The following DGKH variants were observed in gnomAD, a reference collection of about 807,000 sequenced individuals.
DGKH encodes the protein diacylglycerol kinase eta, also known as DAG kinase eta.
DGKH carries 90 observed loss-of-function variants against 159.3 expected under a neutral mutation model. The ratio of observed to expected loss-of-function variants is 0.57; its 90% CI spans 0.48 to 0.67. DGKH has a LOEUF of 0.67. DGKH is among the 30% of genes least tolerant of loss of function. The pLI, the probability that DGKH is intolerant of heterozygous loss-of-function variation, is 0.00. For synonymous variants in DGKH, 536 were observed against 553.8 expected, an observed-to-expected ratio of 0.97 and a Z score of 0.45; for missense variants, 1,181 against 1,506.1, an observed-to-expected ratio of 0.78 and a Z score of 3.57.
At position 42,256,036 on chromosome 13, in the gene DGKH, G is replaced by C. The variant is rs2138343022; in HGVS notation, n.4128-248G>C. The C allele has an allele frequency of 4.0e-6, 6 of 1,497,732 alleles. No individual in the cohort carries two copies. In the South Asian group the frequency reaches 6.8e-5, roughly 17 times the overall value. 92.8% of individuals were successfully genotyped at this position (1,497,732 alleles called of 1,614,324 possible). On this transcript the variant is annotated intron_variant and non_coding_transcript_variant, in intron 30 of 30. Coordinates refer to the DGKH transcript ENST00000498255. The stretch of plus-strand genomic sequence containing the variant: ...CGATAGCAAATAATATTCGTTTTCT[G>C]GGTTCTGGCCCTTGGTCAGGTCTGG...
intron 1 of DGKH, among the ~76,000 whole-genome samples, chr13:42,077,043 A>G (rs962690441): frequency 1.3e-5 from 2 of 152,154 alleles, no homozygotes; most frequent in African/African-American, 4.8e-5. Context: ...AGAATTATGC[A>G]TCACTTTCTC....
At chr13:42,228,336 TTA>T (rs772754045) in intron 29 of DGKH, among the ~76,000 whole-genome samples, 5 of 152,248 alleles carry the variant, frequency 3.3e-5, no homozygotes, top group Non-Finnish European at 7.4e-5. Flanking sequence ...CAACAGATAA[TTA>T]TGTTTAAGTA....
intron 9 of DGKH, among the ~76,000 whole-genome samples, chr13:42,167,878 C>G (rs1956349197): frequency 6.6e-6 from 1 of 152,046 alleles, no homozygotes; most frequent in African/African-American, 2.4e-5. Context: ...TTCCATAATA[C>G]TTGAAGTAAG....
At chr13:42,219,565 G>A in intron 27 of DGKH, 121 bp from the exon 28 acceptor site, 1 of 1,202,690 alleles carries the variant, frequency 8.3e-7, no homozygotes. Flanking sequence ...TTTTGAAGAA[G>A]TTATCACTGT....
At chr13:42,055,993 T>C (rs1296480054) in intron 1 of DGKH, among the ~76,000 whole-genome samples, 1 of 152,140 alleles carries the variant, frequency 6.6e-6, no homozygotes, top group Admixed American at 6.5e-5. Flanking sequence ...CTATAAAACA[T>C]TAAAAAATAA....
chr13:42,095,280 A>G (rs1029196130), intron 1 of DGKH, among the ~76,000 whole-genome samples: 2 of 146,334 alleles, frequency 1.4e-5, no homozygotes, highest in South Asian at 4.2e-4. Flanking sequence ...CTCCTGCCTC[A>G]GCCTCCTGAG....
At chr13:42,091,276 C>A (rs1954412260) in intron 1 of DGKH, among the ~76,000 whole-genome samples, 1 of 151,992 alleles carries the variant, frequency 6.6e-6, no homozygotes, top group African/African-American at 2.4e-5. Context: ...TTGGATATGA[C>A]ACCAAAACAT....
At chr13:42,164,359 T>C (rs888937041) in intron 7 of DGKH, among the ~76,000 whole-genome samples, 7 of 152,170 alleles carry the variant, frequency 4.6e-5, no homozygotes, top group African/African-American at 1.7e-4. Context: ...TATCTGTGTG[T>C]GCTAGTTTTT....
rs1958395209 is a variant in DGKH at position 42,235,524 on chromosome 13, A to G, written c.*6336A>G. The G allele has an allele frequency of 6.6e-6, 1 of 152,208 alleles. No individual in the cohort carries two copies. Among genetic ancestry groups the G allele is most frequent in the Non-Finnish European group, 1.5e-5 (1 of 68,012 alleles). 9.4% of individuals were successfully genotyped at this position (152,208 alleles called of 1,614,324 possible). On this transcript the variant is annotated 3_prime_UTR_variant, in exon 30 of 30. Transcript: ENST00000337343. ...CATTAAGGTAGGATAATGCAGTTAC[A>G]TATACAAACTAAAAAAGGAAAAAGA...
intron 3 of DGKH, among the ~76,000 whole-genome samples, chr13:42,136,906 GT>G (rs547476360): frequency 7.0e-4 from 106 of 152,184 alleles, no homozygotes; most frequent in African/African-American, 2.4e-3. Flanking sequence ...TTCTACGAGG[GT>G]TTAAAAGGTC....
rs180701334 is a variant in DGKH at position 42,158,877 on chromosome 13, C to T, written c.623-389C>T. On this transcript the variant is annotated intron_variant, in intron 5 of 29. Transcript: ENST00000337343. Reference sequence around the variant, plus strand: ...GCTTGATGAATTTTCACAAATTAAACACATTCGTATAATCAGCACCTACAT... The same window carrying T: ...GCTTGATGAATTTTCACAAATTAAATACATTCGTATAATCAGCACCTACAT... Among the ~76,000 whole-genome samples the T allele has an allele frequency of 3.9e-5, 6 of 152,214 alleles. No homozygotes were observed. In the East Asian group the frequency reaches 9.6e-4, roughly 24 times the overall value.
intron 13 of DGKH, among the ~76,000 whole-genome samples, chr13:42,181,267 ACT>A (rs1267984590): frequency 9.0e-6 from 1 of 111,576 alleles, no homozygotes; most frequent in Non-Finnish European, 1.7e-5. Context: ...ACAGAGCGAG[ACT>A]CTGTCTCAAA....
rs377124152 is a variant in DGKH, at chr13:42,214,537, T to C, written c.3045T>C (p.Leu1015=). The stretch of plus-strand genomic sequence containing the variant: ...GTGACGCAGCCACAATTCACTGTCT[T>C]TTGGAGCAAGAACTGGCCCATGCTG... ...RICDAATIHC[L]LEQELAHAVN... The change falls in exon 25 of 30, where the codon CTT becomes CTC. Residue 1015 remains leucine, a synonymous_variant. Coordinates refer to ENST00000337343, the MANE Select transcript of DGKH (RefSeq NM_178009.5). 3 of 1,613,508 alleles carry C rather than the reference T, an allele frequency of 1.9e-6. No individual in the cohort carries two copies. The African/African-American group carries it at 4.0e-5, about 22-fold the overall frequency.
intron 1 of DGKH, among the ~76,000 whole-genome samples, chr13:42,092,734 A>G (rs1461602869): frequency 6.6e-6 from 1 of 152,234 alleles, no homozygotes; most frequent in Non-Finnish European, 1.5e-5. Context: ...CAAGAACTTT[A>G]GAAAAAAATA....
At chr13:42,179,568 G>A (rs890250419) in intron 13 of DGKH, among the ~76,000 whole-genome samples, 1 of 152,132 alleles carries the variant, frequency 6.6e-6, no homozygotes. Flanking sequence ...AAGCCCAGGA[G>A]TTCAAGACCA....
chr13:42,071,332 A>G (rs180687112), intron 1 of DGKH, among the ~76,000 whole-genome samples: 7 of 152,242 alleles, frequency 4.6e-5, no homozygotes, highest in Non-Finnish European at 8.8e-5. Flanking sequence ...TGCAGTACTC[A>G]TAGTTCAAGA....
chr13:42,251,876 G>A (rs748444667), intron 29 of DGKH, among the ~76,000 whole-genome samples: 1 of 152,202 alleles, frequency 6.6e-6, no homozygotes, highest in Non-Finnish European at 1.5e-5. Context: ...TATTAACACA[G>A]TTATCTTTCC....
At chr13:42,042,320 G>A (rs1243484801) in intron 1 of DGKH, among the ~76,000 whole-genome samples, 1 of 152,186 alleles carries the variant, frequency 6.6e-6, no homozygotes, top group Non-Finnish European at 1.5e-5. Context: ...GGAAATATCC[G>A]GGTGTATGTG....
At position 42,231,453 on chromosome 13, in the gene DGKH, C is replaced by G. The variant is rs1167349306; in HGVS notation, c.*2265C>G. ...TCCTTTTTCAGTCCCTCTGATAGTC[C>G]CACCTAAGTGCTGTCCTGCTCCTGT... On this transcript the variant is annotated 3_prime_UTR_variant, in exon 30 of 30. Coordinates refer to ENST00000337343, the MANE Select transcript of DGKH (RefSeq NM_178009.5). 1 of 152,094 alleles carries G rather than the reference C, an allele frequency of 6.6e-6. No individual in the cohort carries two copies. The highest frequency in any genetic ancestry group is 1.5e-5 in the Non-Finnish European group (1 of 68,012). 9.4% of individuals were successfully genotyped at this position (152,094 alleles called of 1,614,324 possible).
Sources: gnomAD v4.1 joint callset for allele counts (sites outside exome capture counted in the v4.1 genomes callset) on GRCh38, gnomAD v4.1.1 for gene constraint, MANE v1.5 for transcripts, NCBI Gene and HGNC (gene_info 2026-07-23, HGNC 2026-07-21) for gene names.